Variants in CERS3 observed in about 807,000 individuals in gnomAD.
CERS3 encodes the protein ceramide synthase 3.
A neutral mutation model predicts 50.3 loss-of-function variants in CERS3; 33 were observed. That is an observed-to-expected ratio of 0.66 (90% CI 0.50 to 0.88). CERS3 has a LOEUF of 0.88. Ranked by LOEUF, CERS3 falls within the 40% of genes least tolerant of loss-of-function variation. CERS3 has a pLI of 0.00. For missense variants in CERS3, 470 were observed against 460.3 expected (o/e 1.02, Z -0.19); for synonymous variants, 176 against 155.2 (o/e 1.13, Z -0.99).
intron 1 of CERS3, among the ~76,000 whole-genome samples, chr15:100,528,169 G>C (rs1336623027): frequency 6.6e-6 from 1 of 152,198 alleles, no homozygotes; most frequent in Non-Finnish European, 1.5e-5. Flanking sequence ...AGAAAAAGTA[G>C]TTTGATTTTG....
intron 11 of CERS3, among the ~76,000 whole-genome samples, chr15:100,424,946 G>A (rs926593430): frequency 1.3e-5 from 2 of 152,180 alleles, no homozygotes; most frequent in African/African-American, 4.8e-5. Flanking sequence ...CTCCAGCCAT[G>A]GCTAAAAGGG....
intron 2 of CERS3, among the ~76,000 whole-genome samples, chr15:100,505,379 A>C (rs1436891829): frequency 6.6e-6 from 1 of 152,254 alleles, no homozygotes; most frequent in Admixed American, 6.5e-5. Flanking sequence ...CAATGGATTA[A>C]GATCTGTTGA....
At chr15:100,475,347 T>C (rs2587759) in intron 8 of CERS3, among the ~76,000 whole-genome samples, 133,760 of 152,220 alleles carry the variant, frequency 0.88, 59,350 homozygotes, top group South Asian at 0.96. Flanking sequence ...GTTTATCTAA[T>C]ATTAAATGTC....
intron 11 of CERS3, among the ~76,000 whole-genome samples, chr15:100,439,401 T>C (rs1288149687): frequency 6.6e-6 from 1 of 152,216 alleles, no homozygotes; most frequent in Non-Finnish European, 1.5e-5. Flanking sequence ...TTTCCAAATT[T>C]TGTATTCTTT....
chr15:100,428,467 G>C (rs1056761394), intron 11 of CERS3, among the ~76,000 whole-genome samples: 5 of 152,188 alleles, frequency 3.3e-5, no homozygotes, highest in Admixed American at 3.3e-4. Context: ...TCGGCACTGT[G>C]GATATTTTGG....
At chr15:100,461,468 C>G (rs2034549785) in intron 10 of CERS3, among the ~76,000 whole-genome samples, 1 of 152,210 alleles carries the variant, frequency 6.6e-6, no homozygotes, top group South Asian at 2.1e-4. Context: ...GTTCCATAAT[C>G]TCTCTGGGCT....
In CERS3 at chr15:100,469,487, GC is replaced by G; in HGVS notation, c.739-4del. The G allele has an allele frequency of 6.3e-7, 1 of 1,592,868 alleles. No individual in the cohort carries two copies. The highest frequency in any genetic ancestry group is 8.6e-7 in the Non-Finnish European group (1 of 1,167,486). Reference sequence around the variant, plus strand: ...GCATAAGAAAACATCTTAGCAGACTGCAAAAAAGAAAGAAACTGCAGATAAA... The same window carrying G: ...GCATAAGAAAACATCTTAGCAGACTGAAAAAAGAAAGAAACTGCAGATAAA... On this transcript the variant is annotated splice_region_variant and splice_polypyrimidine_tract_variant and intron_variant, in intron 9 of 11. Transcript: ENST00000679737.
chr15:100,416,454 C>G (rs115525102), intron 11 of CERS3, among the ~76,000 whole-genome samples: 1 of 152,308 alleles, frequency 6.6e-6, no homozygotes, highest in African/African-American at 2.4e-5. Context: ...TATTTGCAAA[C>G]TGTGTATTAG....
At chr15:100,465,456 G>A (rs2034681151) in intron 10 of CERS3, among the ~76,000 whole-genome samples, 1 of 147,804 alleles carries the variant, frequency 6.8e-6, no homozygotes, top group Non-Finnish European at 1.5e-5. Flanking sequence ...CTGGTGGGAA[G>A]ACCATTTAAA....
Position 100,402,842 on chromosome 15 carries a change from A to T in CERS3, c.1023T>A (p.Asp341Glu). Residue 341 changes from aspartate (D) to glutamate (E), a missense_variant, in exon 12 of 12, where the codon GAT (aspartate) becomes GAA (glutamate). Transcript: ENST00000679737. ...FMKSIQDVRS[D>E]DEDYEEEEEE... ...CCTCTTCCTCTTCATAATCCTCGTC[A>T]TCACTCCTCACATCCTGGATGCTCT... 1.9e-6 allele frequency: 3 copies of T among 1,607,774 alleles called. No homozygotes were observed. The highest frequency in any genetic ancestry group is 2.6e-6 in the Non-Finnish European group (3 of 1,176,438).
intron 11 of CERS3, among the ~76,000 whole-genome samples, chr15:100,454,527 G>C (rs932763351): frequency 6.6e-6 from 1 of 151,944 alleles, no homozygotes; most frequent in African/African-American, 2.4e-5. Flanking sequence ...CTAGATCTCT[G>C]TCTCTCATCA....
chr15:100,423,816 T>C (rs1265761231), intron 11 of CERS3, among the ~76,000 whole-genome samples: 1 of 152,148 alleles, frequency 6.6e-6, no homozygotes, highest in African/African-American at 2.4e-5. Context: ...CTGCTTCCTC[T>C]TCACCTTCCA....
At chr15:100,446,304 A>G (rs1208218122) in intron 11 of CERS3, among the ~76,000 whole-genome samples, 14 of 152,124 alleles carry the variant, frequency 9.2e-5, no homozygotes, top group Admixed American at 9.2e-4. Context: ...TTTAACAGGA[A>G]AAGTTGGCTC....
At chr15:100,543,551 A>G (rs1378089969) in intron 1 of CERS3, among the ~76,000 whole-genome samples, 2 of 128,086 alleles carry the variant, frequency 1.6e-5, no homozygotes, top group Non-Finnish European at 3.3e-5. Flanking sequence ...TTTTTTTATT[A>G]GAAGTTTTGC....
chr15:100,424,026 C>A (rs939548224), intron 11 of CERS3, among the ~76,000 whole-genome samples: 10 of 151,788 alleles, frequency 6.6e-5, no homozygotes, highest in Middle Eastern at 3.4e-3. Flanking sequence ...ACCACAACCT[C>A]CACCTCCCGA....
At chr15:100,469,175 C>G (rs774338810) in intron 10 of CERS3, among the ~76,000 whole-genome samples, 2 of 152,176 alleles carry the variant, frequency 1.3e-5, no homozygotes, top group Admixed American at 1.3e-4. Flanking sequence ...TTCCATCTCC[C>G]GTTGTAATAA....
At chr15:100,483,781 A>ATTTTTTTTTTTTTTTTTTTTTTTT (rs1267906519) in intron 5 of CERS3, among the ~76,000 whole-genome samples, 1 of 77,656 alleles carries the variant, frequency 1.3e-5, no homozygotes, top group Admixed American at 1.7e-4. Context: ...AATAATTATT[A>ATTTTTTTTTTTTTTTTTTTTTTTT]TTATTATTTT....
At chr15:100,533,660 C>T (rs187717543), upstream of CERS3, among the ~76,000 whole-genome samples, 2 of 149,084 alleles carry the variant, frequency 1.3e-5, no homozygotes, top group Non-Finnish European at 3.0e-5. Context: ...CGGGTTGAAG[C>T]GATTCTCCTG....
intron 3 of CERS3, among the ~76,000 whole-genome samples, chr15:100,497,294 G>A (rs2035845537): frequency 6.6e-6 from 1 of 150,472 alleles, no homozygotes; most frequent in Non-Finnish European, 1.5e-5. Flanking sequence ...CAGAGAGAGA[G>A]AGCATATATG....
Sources: allele counts gnomAD v4.1 joint callset (sites outside exome capture counted in the v4.1 genomes callset), GRCh38; gene constraint gnomAD v4.1.1; transcripts MANE v1.5; gene names NCBI Gene and HGNC (gene_info 2026-07-23, HGNC 2026-07-21).